The following TMEM114 variants were observed in gnomAD, a reference collection of about 807,000 sequenced individuals.
TMEM114 encodes claudin-26.
In TMEM114, 6 loss-of-function variants were observed where a neutral mutation model predicts 6.2. That is an observed-to-expected ratio of 0.97 (90% CI 0.53 to 1.91). The LOEUF (loss-of-function observed/expected upper bound fraction) is 1.91, where lower values mean the gene tolerates loss of function less well. Among genes scored for constraint, TMEM114 ranks in the 40% most tolerant of loss-of-function variants. The pLI, the probability that TMEM114 is intolerant of heterozygous loss-of-function variation, is 0.01. For missense variants in TMEM114, 218 were observed against 158.3 expected (o/e 1.38, Z -2.02); for synonymous variants, 104 against 73.0 (o/e 1.42, Z -2.16).
At chr16:8,578,163 A>G (rs1260002603) in intron 2 of TMEM114, among the ~76,000 whole-genome samples, 1 of 152,190 alleles carries the variant, frequency 6.6e-6, no homozygotes, top group Non-Finnish European at 1.5e-5. Context: ...TTCTTAGATC[A>G]GGTGGTGGTA....
At chr16:8,561,144 G>C (rs180816943) in intron 2 of TMEM114, among the ~76,000 whole-genome samples, 36 of 152,342 alleles carry the variant, frequency 2.4e-4, no homozygotes, top group African/African-American at 8.2e-4. Flanking sequence ...CTCAAGATGA[G>C]ATTTGGGTGG....
chr16:8,531,975 G>A, the TMEM114 span: 1 of 152,208 alleles, frequency 6.6e-6, no homozygotes, highest in African/African-American at 2.4e-5. Flanking sequence ...AGCTCTAGCT[G>A]TTTTTGTTTC....
At chr16:8,534,879 T>C (rs975724887), downstream of TMEM114, among the ~76,000 whole-genome samples, 1 of 152,232 alleles carries the variant, frequency 6.6e-6, no homozygotes, top group Admixed American at 6.5e-5. Flanking sequence ...GTCTTCCCCA[T>C]TGGGATCTTG....
At chr16:8,557,343 T>C (rs1901047238) in intron 2 of TMEM114, among the ~76,000 whole-genome samples, 1 of 152,010 alleles carries the variant, frequency 6.6e-6, no homozygotes, top group African/African-American at 2.4e-5. Context: ...TACTACCATA[T>C]TGTCAGGAAG....
intron 2 of TMEM114, among the ~76,000 whole-genome samples, chr16:8,581,466 G>C (rs1460733565): frequency 2.0e-5 from 3 of 152,106 alleles, no homozygotes; most frequent in African/African-American, 7.2e-5. Flanking sequence ...ACTTGTGTGT[G>C]TGTGAGAGAC....
intron 2 of TMEM114, among the ~76,000 whole-genome samples, chr16:8,556,350 G>C (rs1901008679): frequency 6.6e-6 from 1 of 152,028 alleles, no homozygotes; most frequent in Non-Finnish European, 1.5e-5. Context: ...CTCCCCACTG[G>C]GTTTCCTTTT....
At position 8,548,854 on chromosome 16, in the gene TMEM114, T is replaced by A. The variant is rs139341018; in HGVS notation, n.213-11028A>T. On this transcript the variant is annotated intron_variant and non_coding_transcript_variant, in intron 2 of 2. Coordinates refer to the TMEM114 transcript ENST00000623677. ...GCATCTTCCAATTTAATAAAGGGAG[T>A]GAGAGAGAGAGATCCAGTTGTTGCC... Among the ~76,000 whole-genome samples, 419 of 151,566 alleles carry A rather than the reference T, an allele frequency of 2.8e-3. 2 individuals are homozygous for A. Among genetic ancestry groups the A allele is most frequent in the African/African-American group, 9.4e-3 (388 of 41,262 alleles).
intron 2 of TMEM114, among the ~76,000 whole-genome samples, chr16:8,563,657 G>C (rs1214627646): frequency 1.4e-5 from 2 of 147,126 alleles, no homozygotes; most frequent in Admixed American, 1.4e-4. Flanking sequence ...GAGTGAATGA[G>C]TGAGCGAATA....
chr16:8,549,228 G>A (rs1189703239), intron 2 of TMEM114, among the ~76,000 whole-genome samples: 1 of 149,076 alleles, frequency 6.7e-6, no homozygotes, highest in African/African-American at 2.5e-5. Context: ...GGTTGGGGGT[G>A]GTGGCTCACA....
At chr16:8,543,459 G>A (rs1900574898) in intron 2 of TMEM114, among the ~76,000 whole-genome samples, 1 of 73,794 alleles carries the variant, frequency 1.4e-5, no homozygotes, top group East Asian at 5.1e-4. Context: ...ATGCAATGGT[G>A]CACCTTGCAT....
chr16:8,531,193 C>G, the TMEM114 span, among the ~76,000 whole-genome samples: 1 of 152,238 alleles, frequency 6.6e-6, no homozygotes, highest in Non-Finnish European at 1.5e-5. Flanking sequence ...TGCTAGTGTG[C>G]TGTTTGAATC....
At chr16:8,558,763 A>G (rs1242831474) in intron 2 of TMEM114, among the ~76,000 whole-genome samples, 2 of 145,236 alleles carry the variant, frequency 1.4e-5, no homozygotes, top group African/African-American at 2.6e-5. Context: ...TTTTTTCGAC[A>G]TGGAGTTTAC....
chr16:8,558,960 G>T (rs1596475709), intron 2 of TMEM114, among the ~76,000 whole-genome samples: 1 of 151,626 alleles, frequency 6.6e-6, no homozygotes, highest in African/African-American at 2.4e-5. Flanking sequence ...AGCCAGGATG[G>T]TCTCGATCTC....
intron 2 of TMEM114, among the ~76,000 whole-genome samples, chr16:8,584,813 T>G (rs2141700721): frequency 6.6e-6 from 1 of 151,356 alleles, no homozygotes; most frequent in Middle Eastern, 3.4e-3. Context: ...TCCCAGCTAC[T>G]TGGGAGACTG....
chr16:8,563,237 G>C (rs536639425), intron 2 of TMEM114, among the ~76,000 whole-genome samples: 29 of 151,904 alleles, frequency 1.9e-4, no homozygotes, highest in South Asian at 1.5e-3. Context: ...GAATGAGTGA[G>C]TGAATGAGTC....
chr16:8,531,361 T>C, the TMEM114 span, among the ~76,000 whole-genome samples: 1 of 152,276 alleles, frequency 6.6e-6, no homozygotes, highest in Non-Finnish European at 1.5e-5. Context: ...CCACAACACA[T>C]AACTTATCCC....
chr16:8,536,520 T>C (rs923152080), downstream of TMEM114, among the ~76,000 whole-genome samples: 7 of 152,226 alleles, frequency 4.6e-5, no homozygotes, highest in African/African-American at 1.7e-4. Context: ...AACTAATTTA[T>C]TACTAAAATC....
chr16:8,567,548 T>TG (rs1419523387), downstream of TMEM114, among the ~76,000 whole-genome samples: 1 of 152,214 alleles, frequency 6.6e-6, no homozygotes. Flanking sequence ...TGGGACCAGA[T>TG]GTCCTGAGCA....
downstream of TMEM114, among the ~76,000 whole-genome samples, chr16:8,566,143 G>A (rs758021062): frequency 5.9e-5 from 9 of 152,184 alleles, no homozygotes; most frequent in Non-Finnish European, 1.3e-4. Context: ...GGCCAAGGTA[G>A]GTGGATCATG....
Sources: allele counts gnomAD v4.1 joint callset (sites outside exome capture counted in the v4.1 genomes callset), GRCh38; gene constraint gnomAD v4.1.1; transcripts MANE v1.5; gene names NCBI Gene and HGNC (gene_info 2026-07-23, HGNC 2026-07-21).